Variants in JAKMIP2 observed in about 807,000 individuals in gnomAD.
The protein encoded by JAKMIP2 is janus kinase and microtubule interacting protein 2.
JAKMIP2 carries 25 observed loss-of-function variants against 115.0 expected under a neutral mutation model. The observed-to-expected ratio is 0.22, with a 90% CI of 0.16 to 0.30. The LOEUF is 0.30. Among genes scored for constraint, JAKMIP2 ranks in the 10% least tolerant of loss-of-function variants. JAKMIP2 has a pLI of 1.00. For missense variants in JAKMIP2, 642 were observed against 957.6 expected (o/e 0.67, Z 4.35); for synonymous variants, 334 against 343.6 (o/e 0.97, Z 0.31).
At chr5:147,736,998 G>A (rs538841487) in intron 1 of JAKMIP2, among the ~76,000 whole-genome samples, 1 of 152,236 alleles carries the variant, frequency 6.6e-6, no homozygotes, top group South Asian at 2.1e-4. Flanking sequence ...ACTATCTGAT[G>A]TCAGGCCCAG....
intron 1 of JAKMIP2, among the ~76,000 whole-genome samples, chr5:147,711,747 A>C (rs1045903752): frequency 2.6e-5 from 4 of 152,134 alleles, no homozygotes; most frequent in Non-Finnish European, 5.9e-5. Context: ...GGCTCACTGC[A>C]ACCTCCACCT....
chr5:147,699,683 T>C (rs1752248841), intron 1 of JAKMIP2, among the ~76,000 whole-genome samples: 1 of 152,156 alleles, frequency 6.6e-6, no homozygotes, highest in Non-Finnish European at 1.5e-5. Context: ...AAAAATAGAA[T>C]TCCAGAAATA....
chr5:147,647,433 C>G (rs1376281472), intron 5 of JAKMIP2, among the ~76,000 whole-genome samples: 3 of 151,632 alleles, frequency 2.0e-5, no homozygotes, highest in Non-Finnish European at 4.4e-5. Flanking sequence ...AGCCATAGAG[C>G]AAGATATTTT....
chr5:147,639,535 A>AG (rs1757780977), intron 10 of JAKMIP2, 97 bp downstream of exon 10: 3 of 1,386,284 alleles, frequency 2.2e-6, no homozygotes, highest in Non-Finnish European at 9.7e-7. Context: ...AGAAGAATAC[A>AG]GGGAAAGCTG....
In JAKMIP2 at chr5:147,612,396, A is replaced by C. The variant is rs747383860; in HGVS notation, c.2347-25T>G. On this transcript the variant is annotated intron_variant, in intron 19 of 21. Coordinates refer to ENST00000616793, the MANE Select transcript of JAKMIP2 (RefSeq NM_001270941.2). ...TCTGAAGAAAGAAAAGAAAAGAAAG[A>C]AAGCATCAGTAGGTGGTAAGTTGTG... The C allele has an allele frequency of 4.0e-5, 57 of 1,416,792 alleles. No individual in the cohort carries two copies. The East Asian group carries it at 1.3e-3, about 31-fold the overall frequency. The allele number at this position is 1,416,792 out of a possible 1,614,324, so 87.8% of individuals were successfully genotyped here.
At chr5:147,630,054 A>C (rs944056796) in intron 14 of JAKMIP2, among the ~76,000 whole-genome samples, 1 of 152,156 alleles carries the variant, frequency 6.6e-6, no homozygotes, top group Non-Finnish European at 1.5e-5. Context: ...GTAGTAAAAG[A>C]CTTGGAATAT....
At chr5:147,752,529 C>T (rs534654202) in intron 1 of JAKMIP2, among the ~76,000 whole-genome samples, 1 of 152,286 alleles carries the variant, frequency 6.6e-6, no homozygotes, top group African/African-American at 2.4e-5. Context: ...TGTGCTACAA[C>T]AGGAGAGTTA....
At chr5:147,624,938 T>C (rs1561498491) in intron 16 of JAKMIP2, among the ~76,000 whole-genome samples, 1 of 152,036 alleles carries the variant, frequency 6.6e-6, no homozygotes, top group Non-Finnish European at 1.5e-5. Flanking sequence ...GTATTGGATG[T>C]ACTAGTGGTA....
At position 147,700,099 on chromosome 5, in the gene JAKMIP2, C is replaced by T. The variant is rs977023165; in HGVS notation, c.-148-28145G>A. The stretch of plus-strand genomic sequence containing the variant: ...TTAACACAGACCTCAAAACATTTCC[C>T]CAGATAAAGTTCTCAAGTAGAAAAG... On this transcript the variant is annotated intron_variant, in intron 1 of 21. Transcript: ENST00000616793. Among the ~76,000 whole-genome samples, 6 of 152,106 alleles carry T rather than the reference C, an allele frequency of 3.9e-5. No homozygotes were observed. The South Asian group carries it at 1.2e-3, about 32-fold the overall frequency.
chr5:147,702,315 G>T (rs1056432144), intron 1 of JAKMIP2, among the ~76,000 whole-genome samples: 1 of 131,004 alleles, frequency 7.6e-6, no homozygotes, highest in Non-Finnish European at 1.6e-5. Flanking sequence ...AAGGGTGGAA[G>T]GGGGGGTGAC....
intron 2 of JAKMIP2, 74 bp from the exon 3 acceptor site, chr5:147,661,519 A>T: frequency 6.9e-7 from 1 of 1,458,852 alleles, no homozygotes; most frequent in South Asian, 1.4e-5. Flanking sequence ...CAGGATTTGC[A>T]GCTCAGGCCG....
intron 1 of JAKMIP2, among the ~76,000 whole-genome samples, chr5:147,700,853 CT>C (rs989544893): frequency 1.3e-5 from 2 of 152,132 alleles, no homozygotes; most frequent in African/African-American, 4.8e-5. Context: ...ACATATCTGG[CT>C]TTTTAAATTG....
intron 1 of JAKMIP2, among the ~76,000 whole-genome samples, chr5:147,676,842 T>G (rs528028750): frequency 6.6e-6 from 1 of 152,320 alleles, no homozygotes; most frequent in Non-Finnish European, 1.5e-5. Context: ...ATTCCTTCAT[T>G]TATCAGACAT....
rs1561495906 is a variant in JAKMIP2, at chr5:147,620,647, T to G, written c.2142+19A>C. 6.3e-7 allele frequency: 1 copy of G among 1,577,548 alleles called. No homozygotes were observed. The highest frequency in any genetic ancestry group is 1.7e-5 in the Admixed American group (1 of 59,836). On this transcript the variant is annotated intron_variant, in intron 18 of 21. Transcript: ENST00000616793. ...TAACTGTAAATACTGCGGGTGTCTC[T>G]ATCACTTGTTGTACCTACCATATAT...
intron 21 of JAKMIP2, among the ~76,000 whole-genome samples, chr5:147,598,008 T>G (rs1467754652): frequency 2.0e-5 from 3 of 151,782 alleles, no homozygotes; most frequent in Non-Finnish European, 4.4e-5. Context: ...TTTTTTTTCT[T>G]TATTTTTTGA....
At chr5:147,720,906 T>C (rs1455658347) in intron 1 of JAKMIP2, among the ~76,000 whole-genome samples, 3 of 152,218 alleles carry the variant, frequency 2.0e-5, no homozygotes, top group Non-Finnish European at 4.4e-5. Context: ...CTGCATTCCT[T>C]TGGAGGAGGA....
At chr5:147,634,363 T>A (rs1310794750) in intron 12 of JAKMIP2, among the ~76,000 whole-genome samples, 1 of 152,164 alleles carries the variant, frequency 6.6e-6, no homozygotes, top group African/African-American at 2.4e-5. Flanking sequence ...TGGGCATCTC[T>A]GAAACTAATA....
rs1040802204 is a variant in JAKMIP2 at position 147,588,760 on chromosome 5, G to C, written c.*2947C>G. 2 of 152,076 alleles carry C rather than the reference G, an allele frequency of 1.3e-5. No individual in the cohort carries two copies. Among genetic ancestry groups the C allele is most frequent in the African/African-American group, 4.8e-5 (2 of 41,418 alleles). The allele number at this position is 152,076 out of a possible 1,614,324, so 9.4% of individuals were successfully genotyped here. On this transcript the variant is annotated 3_prime_UTR_variant, in exon 22 of 22. Transcript: ENST00000616793. Reference sequence around the variant, plus strand: ...TAAAGCTGCTTGGACAATCATCCTAGCTGTTGTTCTCATATGACTTATAGC... The same window carrying C: ...TAAAGCTGCTTGGACAATCATCCTACCTGTTGTTCTCATATGACTTATAGC...
intron 5 of JAKMIP2, among the ~76,000 whole-genome samples, 187 bp downstream of exon 5, chr5:147,648,189 T>C (rs1758221334): frequency 6.6e-6 from 1 of 152,200 alleles, no homozygotes; most frequent in Non-Finnish European, 1.5e-5. Context: ...TGTGAGATGC[T>C]GGTAATCTTC....
Sources: gnomAD v4.1 joint callset for allele counts (sites outside exome capture counted in the v4.1 genomes callset) on GRCh38, gnomAD v4.1.1 for gene constraint, MANE v1.5 for transcripts, NCBI Gene and HGNC (gene_info 2026-07-23, HGNC 2026-07-21) for gene names.